The following HIVEP1 variants were observed in gnomAD, a reference collection of about 807,000 sequenced individuals.
The protein encoded by HIVEP1 is zinc finger protein 40.
A neutral mutation model predicts 180.0 loss-of-function variants in HIVEP1; 36 were observed. That is an observed-to-expected ratio of 0.20 (90% CI 0.15 to 0.26). HIVEP1 has a LOEUF of 0.26. HIVEP1 is among the 10% of genes least tolerant of loss of function. HIVEP1 has a pLI of 1.00. For missense variants in HIVEP1, 3,143 were observed against 3,268.7 expected (o/e 0.96, Z 0.94); for synonymous variants, 1,239 against 1,239.0 (o/e 1.00, Z 0.00).
rs1011363549 is a variant in HIVEP1, at chr6:12,122,362, C to T, written c.2567C>T (p.Pro856Leu). Residue 856 changes from proline (P) to leucine (L), a missense_variant, in exon 4 of 9, where the codon CCT becomes CTT. By Grantham distance (98) the Pro-to-Leu change is moderately conservative. Coordinates refer to ENST00000379388, the MANE Select transcript of HIVEP1 (RefSeq NM_002114.4). ...GYSAVPANII[P>L]PPHPLRGSQS... ...TCAGCAGTACCTGCAAATATAATAC[C>T]TCCTCCTCATCCACTAAGAGGAAGT... 33 of 1,613,930 alleles carry T rather than the reference C, an allele frequency of 2.0e-5. No individual in the cohort carries two copies. Among genetic ancestry groups the T allele is most frequent in the Non-Finnish European group, 2.7e-5 (32 of 1,179,904 alleles).
chr6:12,115,390 C>G (rs964834665), intron 3 of HIVEP1, among the ~76,000 whole-genome samples: 5 of 137,248 alleles, frequency 3.6e-5, no homozygotes, highest in African/African-American at 1.5e-4. Context: ...CAAAGTGGCC[C>G]CTGTGGTCTT....
At chr6:12,020,885 T>TCTTC in intron 2 of HIVEP1, among the ~76,000 whole-genome samples, 1 of 106,584 alleles carries the variant, frequency 9.4e-6, no homozygotes, top group Non-Finnish European at 1.9e-5. Flanking sequence ...TTTCTTTCTT[T>TCTTC]CTTTCTTTTT....
chr6:12,057,839 A>G (rs1175673010), intron 2 of HIVEP1, among the ~76,000 whole-genome samples: 2 of 152,252 alleles, frequency 1.3e-5, no homozygotes, highest in Non-Finnish European at 2.9e-5. Context: ...CCTTTCTAAT[A>G]GTAATACAGT....
the HIVEP1 span, among the ~76,000 whole-genome samples, chr6:12,176,419 A>T: frequency 6.6e-6 from 1 of 151,992 alleles, no homozygotes; most frequent in African/African-American, 2.4e-5. Flanking sequence ...TTTAGTAGAG[A>T]TGGAGTTTCA....
chr6:12,076,276 G>A (rs1772344541), intron 2 of HIVEP1, among the ~76,000 whole-genome samples: 1 of 151,838 alleles, frequency 6.6e-6, no homozygotes, highest in Non-Finnish European at 1.5e-5. Context: ...TGACTTGTAT[G>A]GGTTACTAAT....
At chr6:12,118,152 T>A (rs1291564034) in intron 3 of HIVEP1, among the ~76,000 whole-genome samples, 2 of 151,724 alleles carry the variant, frequency 1.3e-5, no homozygotes, top group Non-Finnish European at 2.9e-5. Context: ...TTTTTTTTTT[T>A]ATTATGGTGG....
chr6:12,158,669 G>T (rs1240943247), intron 7 of HIVEP1, among the ~76,000 whole-genome samples: 2 of 152,142 alleles, frequency 1.3e-5, no homozygotes, highest in East Asian at 3.9e-4. Flanking sequence ...CCCAAGTGTT[G>T]TGGGAGTTTC....
rs755000696 is a variant in HIVEP1, at chr6:12,163,274, G to A, written c.6979-9G>A. On this transcript the variant is annotated splice_polypyrimidine_tract_variant and intron_variant, in intron 8 of 8. Coordinates refer to ENST00000379388, the MANE Select transcript of HIVEP1 (RefSeq NM_002114.4). ...TGTCATAAAAGGATTGCTCTCTCTT[G>A]TCATTTAGAGCCCATCATCTGTAAG... 7 of 1,602,310 alleles carry A rather than the reference G, an allele frequency of 4.4e-6. No homozygotes were observed. The South Asian group carries it at 5.5e-5, about 13-fold the overall frequency.
intron 3 of HIVEP1, among the ~76,000 whole-genome samples, chr6:12,103,064 GAAGCTAAA>G (rs948167174): frequency 6.6e-6 from 1 of 151,844 alleles, no homozygotes; most frequent in Non-Finnish European, 1.5e-5. Flanking sequence ...TAGTTTCACT[GAAGCTAAA>G]ATACCAGTGT....
Position 12,121,535 on chromosome 6 carries a change from C to T in HIVEP1, c.1740C>T (p.Ala580=), listed in dbSNP as rs182382624. ...CCTTAAGAACTGACAGTCCAAAGGC[C>T]ATGGATCCCAAGCCTGAACTTTCTA... ...VSPLRTDSPK[A]MDPKPELSSA... is the part of the protein sequence containing the mutation. The change falls in exon 4 of 9, where the codon GCC becomes GCT. Residue 580 remains alanine (A), a synonymous_variant. Transcript: ENST00000379388. The surrounding 1 kb of genome is among the most constrained non-coding windows in gnomAD (Gnocchi z 5.3). 180 of 1,614,142 alleles carry T rather than the reference C, an allele frequency of 1.1e-4. 1 individual carries two copies. In the Admixed American group the frequency reaches 1.2e-3, roughly 11 times the overall value.
chr6:12,056,830 G>GT (rs199501899), intron 2 of HIVEP1, among the ~76,000 whole-genome samples: 2,003 of 150,758 alleles, frequency 0.013, 22 homozygotes, highest in East Asian at 0.059. Flanking sequence ...TAATGGTATG[G>GT]TTTTTTGTTT....
At chr6:12,099,126 C>G (rs907338750) in intron 3 of HIVEP1, among the ~76,000 whole-genome samples, 1 of 150,916 alleles carries the variant, frequency 6.6e-6, no homozygotes, top group Non-Finnish European at 1.5e-5. Flanking sequence ...GAGGAGCAGA[C>G]GCTTTGGGAG....
At chr6:12,061,938 ATG>A (rs1306331908) in intron 2 of HIVEP1, among the ~76,000 whole-genome samples, 2 of 152,186 alleles carry the variant, frequency 1.3e-5, no homozygotes, top group African/African-American at 4.8e-5. Context: ...TAGTTTTCTG[ATG>A]AAATTTGAAT....
chr6:12,033,138 A>G (rs1769065916), intron 2 of HIVEP1, among the ~76,000 whole-genome samples: 1 of 152,236 alleles, frequency 6.6e-6, no homozygotes, highest in South Asian at 2.1e-4. Flanking sequence ...TTTAGTATAA[A>G]AGAGCCTTTG....
chr6:12,146,561 TG>T (rs1269750394), intron 7 of HIVEP1, among the ~76,000 whole-genome samples: 2 of 152,234 alleles, frequency 1.3e-5, no homozygotes, highest in Non-Finnish European at 1.5e-5. Context: ...TTATGTTATA[TG>T]GCCAAGGTCA....
downstream of HIVEP1, among the ~76,000 whole-genome samples, chr6:12,169,732 G>A (rs1006539091): frequency 6.6e-6 from 1 of 152,156 alleles, no homozygotes; most frequent in Non-Finnish European, 1.5e-5. Flanking sequence ...CTAAGGAGTA[G>A]AACAAAAATA....
chr6:12,018,154 C>T (rs1469357221), intron 2 of HIVEP1, among the ~76,000 whole-genome samples: 1 of 152,236 alleles, frequency 6.6e-6, no homozygotes, highest in South Asian at 2.1e-4. Context: ...TTCGCGGCTG[C>T]TGGCTTGGGT....
At chr6:12,040,037 C>A (rs958482552) in intron 2 of HIVEP1, among the ~76,000 whole-genome samples, 6 of 151,904 alleles carry the variant, frequency 3.9e-5, no homozygotes, top group Non-Finnish European at 7.4e-5. Flanking sequence ...AATGTAAGCC[C>A]AACAACAGAT....
chr6:12,078,644 CACACACAT>C (rs968287974), intron 2 of HIVEP1, among the ~76,000 whole-genome samples: 1 of 149,120 alleles, frequency 6.7e-6, no homozygotes, highest in African/African-American at 2.5e-5. Context: ...TACACACACA[CACACACAT>C]ACATATATAT....
Sources: allele counts gnomAD v4.1 joint callset (sites outside exome capture counted in the v4.1 genomes callset), GRCh38; gene constraint gnomAD v4.1.1; non-coding constraint Gnocchi (gnomAD v3.1); transcripts MANE v1.5; gene names NCBI Gene and HGNC (gene_info 2026-07-23, HGNC 2026-07-21).